Variants in ENOX1 observed in about 807,000 individuals in gnomAD.
The protein encoded by ENOX1 is candidate growth-related and time keeping constitutive hydroquinone (NADH) oxidase.
A neutral mutation model predicts 82.5 loss-of-function variants in ENOX1; 42 were observed. The observed-to-expected ratio is 0.51, with a 90% CI of 0.40 to 0.66. The LOEUF (loss-of-function observed/expected upper bound fraction) is 0.66, where lower values mean the gene tolerates loss of function less well. Ranked by LOEUF, ENOX1 falls within the 30% of genes least tolerant of loss-of-function variation. ENOX1 has a pLI of 0.00. For synonymous variants in ENOX1, 271 were observed against 282.2 expected (o/e 0.96, Z 0.40); for missense variants, 608 against 811.6 (o/e 0.75, Z 3.05).
Position 43,495,367 on chromosome 13 carries a change from C to A in ENOX1, c.-218-11215G>T, listed in dbSNP as rs77235971. 2.6e-5 allele frequency among the ~76,000 whole-genome samples: 4 copies of A among 152,154 alleles called. No homozygotes were observed. The South Asian group carries it at 8.3e-4, about 32-fold the overall frequency. ...AAATGTGAAATTTCAATGTCTATCA[C>A]CATAAATGGCTTTGCCTATACTTGA... On this transcript the variant is annotated intron_variant, in intron 2 of 16. Transcript: ENST00000690772.
intron 5 of ENOX1, chr13:43,394,491 T>C (rs1407283117): frequency 6.6e-6 from 1 of 152,240 alleles, no homozygotes; most frequent in Non-Finnish European, 1.5e-5. Flanking sequence ...GTCCATAATA[T>C]GAAAGTGCTG....
intron 7 of ENOX1, among the ~76,000 whole-genome samples, 187 bp from the exon 8 acceptor site, chr13:43,356,339 C>T (rs573874308): frequency 1.3e-5 from 2 of 152,256 alleles, no homozygotes; most frequent in African/African-American, 4.8e-5. Flanking sequence ...TAAAGTTAGG[C>T]CTATTACAGG....
intron 3 of ENOX1, among the ~76,000 whole-genome samples, chr13:43,467,540 T>TTAAAA (rs2057788586): frequency 6.6e-6 from 1 of 151,958 alleles, no homozygotes; most frequent in African/African-American, 2.4e-5. Context: ...TTTTAAAATT[T>TTAAAA]CTTTATATAT....
intron 3 of ENOX1, among the ~76,000 whole-genome samples, chr13:43,442,773 C>T (rs2056430509): frequency 6.6e-6 from 1 of 152,174 alleles, no homozygotes; most frequent in Non-Finnish European, 1.5e-5. Context: ...GTATAATATA[C>T]TGATTCCTTC....
At chr13:43,638,036 A>G (rs2083478990) in intron 2 of ENOX1, among the ~76,000 whole-genome samples, 1 of 152,218 alleles carries the variant, frequency 6.6e-6, no homozygotes, top group Admixed American at 6.5e-5. Context: ...TGTTCAACAA[A>G]TAAAAGCAGA....
rs952497390 is a variant in ENOX1 at position 43,433,548 on chromosome 13, T to TA, written c.-74-20561dup. 5.9e-5 allele frequency among the ~76,000 whole-genome samples: 9 copies of TA among 152,212 alleles called. No individual in the cohort carries two copies. The South Asian group carries it at 6.2e-4, about 11-fold the overall frequency. ...TAATAGTGCTCTAAAAGAATTGTCT[T>TA]AAAAAAATACATACACATATATGTT... On this transcript the variant is annotated intron_variant, in intron 3 of 16. Transcript: ENST00000690772.
chr13:43,731,652 C>A (rs1256737078), intron 1 of ENOX1, among the ~76,000 whole-genome samples: 1 of 151,888 alleles, frequency 6.6e-6, no homozygotes, highest in Non-Finnish European at 1.5e-5. Flanking sequence ...CTCAGAATAA[C>A]CAACATATTT....
chr13:43,346,606 A>G (rs1178218032), intron 8 of ENOX1, among the ~76,000 whole-genome samples: 8 of 152,056 alleles, frequency 5.3e-5, no homozygotes. Context: ...CCCTCAGTGA[A>G]CTCCAGCTGC....
intron 1 of ENOX1, among the ~76,000 whole-genome samples, chr13:43,719,302 TACACACACACACACAC>T (rs3024232): frequency 3.8e-4 from 48 of 126,682 alleles, no homozygotes; most frequent in Non-Finnish European, 5.3e-4. Context: ...TTCATTCAAA[TACACACACACACACAC>T]ACACACACAC....
intron 14 of ENOX1, 24 bp from the exon 15 acceptor site, chr13:43,236,762 C>T (rs745574731): frequency 2.8e-6 from 4 of 1,425,812 alleles, no homozygotes; most frequent in Non-Finnish European, 3.8e-6. Context: ...AGCCAAAAAC[C>T]ATATATGGGT....
In ENOX1 at chr13:43,705,244, C is replaced by A. The variant is rs1343354694; in HGVS notation, c.-284-37700G>T. Among the ~76,000 whole-genome samples, 3 of 150,694 alleles carry A rather than the reference C, an allele frequency of 2.0e-5. No homozygotes were observed. The East Asian group carries it at 5.9e-4, about 29-fold the overall frequency. On this transcript the variant is annotated intron_variant, in intron 1 of 16. Coordinates refer to ENST00000690772, the MANE Select transcript of ENOX1 (RefSeq NM_001347969.2). ...ACCCCTGCAGTGAGCCAAGATTGCA[C>A]CACTGCACTCCAGCCTGAGTGACAG...
chr13:43,322,636 C>G, intron 10 of ENOX1, 135 bp from the exon 11 acceptor site: 1 of 714,198 alleles, frequency 1.4e-6, no homozygotes, highest in Non-Finnish European at 2.3e-6. Context: ...CCTCACCTAA[C>G]CTAAAGGAGG....
chr13:43,384,974 G>A (rs920108821), intron 5 of ENOX1, among the ~76,000 whole-genome samples: 4 of 152,066 alleles, frequency 2.6e-5, no homozygotes, highest in African/African-American at 9.7e-5. Flanking sequence ...TCTCAGAGAA[G>A]GATATTGTGT....
chr13:43,371,980 T>C (rs1274151586), intron 5 of ENOX1, among the ~76,000 whole-genome samples: 1 of 152,216 alleles, frequency 6.6e-6, no homozygotes, highest in African/African-American at 2.4e-5. Flanking sequence ...AACTATCACT[T>C]ATCTCAGGGT....
intron 2 of ENOX1, among the ~76,000 whole-genome samples, chr13:43,615,982 C>T (rs2082391843): frequency 1.3e-5 from 2 of 150,014 alleles, no homozygotes; most frequent in South Asian, 2.1e-4. Context: ...TTTTCTTTAT[C>T]CAGTCTATCA....
intron 2 of ENOX1, among the ~76,000 whole-genome samples, chr13:43,525,089 T>G (rs1416270400): frequency 6.6e-6 from 1 of 152,190 alleles, no homozygotes; most frequent in Non-Finnish European, 1.5e-5. Context: ...TATTTTTAAA[T>G]TTTTTAAATT....
chr13:43,614,862 G>A (rs1227736312), intron 2 of ENOX1, among the ~76,000 whole-genome samples: 1 of 152,104 alleles, frequency 6.6e-6, no homozygotes, highest in Non-Finnish European at 1.5e-5. Context: ...CCAGCAACAA[G>A]GCATCATGTG....
chr13:43,605,136 A>T (rs917477003), intron 2 of ENOX1, among the ~76,000 whole-genome samples: 2 of 152,134 alleles, frequency 1.3e-5, no homozygotes. Flanking sequence ...GAAAATAATA[A>T]AATACTGATG....
At chr13:43,322,127 A>G (rs1357395649) in intron 11 of ENOX1, among the ~76,000 whole-genome samples, 1 of 152,226 alleles carries the variant, frequency 6.6e-6, no homozygotes, top group Admixed American at 6.5e-5. Context: ...AAGGATTTTC[A>G]TGGAAACAGG....
Sources: gnomAD v4.1 joint callset for allele counts (sites outside exome capture counted in the v4.1 genomes callset) on GRCh38, gnomAD v4.1.1 for gene constraint, MANE v1.5 for transcripts, NCBI Gene and HGNC (gene_info 2026-07-23, HGNC 2026-07-21) for gene names.